The following ACY3 variants were observed in gnomAD, a reference collection of about 807,000 sequenced individuals.
ACY3 encodes N-acyl-aromatic-L-amino acid amidohydrolase (carboxylate-forming).
ACY3 carries 20 observed loss-of-function variants against 24.6 expected under a neutral mutation model. That is an observed-to-expected ratio of 0.81 (90% CI 0.57 to 1.18). The LOEUF (loss-of-function observed/expected upper bound fraction) is 1.18, where lower values mean the gene tolerates loss of function less well. ACY3 is among the 50% of genes most tolerant of loss of function. ACY3 has a pLI of 0.00. For synonymous variants in ACY3, 174 were observed against 188.4 expected (o/e 0.92, Z 0.62); for missense variants, 423 against 426.8 (o/e 0.99, Z 0.08).
Position 67,650,446 on chromosome 11 carries a change from A to G in ACY3, c.-95+137T>C, listed in dbSNP as rs536646037. 24 of 152,356 alleles carry G rather than the reference A, an allele frequency of 1.6e-4. No individual in the cohort carries two copies. The East Asian group carries it at 4.6e-3, about 29-fold the overall frequency. The allele number at this position is 152,356 out of a possible 1,614,324, so 9.4% of individuals were successfully genotyped here. On this transcript the variant is annotated intron_variant, in intron 1 of 7. Coordinates refer to ENST00000255082, the MANE Select transcript of ACY3 (RefSeq NM_080658.2). ...AATCCTCTTTAGTTAACACCCGCCAAGCAACTGAGCCCACCCGTTGTGTGG... is the reference window on the plus strand; with the variant it reads ...AATCCTCTTTAGTTAACACCCGCCAGGCAACTGAGCCCACCCGTTGTGTGG...
chr11:67,645,001 G>T lies in ACY3; in HGVS notation c.634+44C>A, dbSNP rs377258463. The T allele has an allele frequency of 6.9e-6, 11 of 1,602,934 alleles. No homozygotes were observed. In the African/African-American group the frequency reaches 1.5e-4, roughly 21 times the overall value. On this transcript the variant is annotated intron_variant, in intron 6 of 7. Transcript: ENST00000255082. The stretch of plus-strand genomic sequence containing the variant: ...GCTCCCCAACCCCTGAGCCAGACCT[G>T]CTCTTCCCCGGACCTGTTTCCCGAA...
rs1163406294 is a variant in ACY3 at position 67,645,765 on chromosome 11, G to C, written c.359C>G (p.Ala120Gly). 4 of 1,613,934 alleles carry C rather than the reference G, an allele frequency of 2.5e-6. No homozygotes were observed. Among genetic ancestry groups the C allele is most frequent in the Non-Finnish European group, 2.5e-6 (3 of 1,179,962 alleles). The change falls in exon 4 of 8, where the codon GCC (alanine) becomes GGC (glycine). Residue 120 changes from alanine (A) to glycine (G), a missense_variant. Transcript: ENST00000255082. ...CGCGATTAAGCAGGTGCCCATGTTG[G>C]CCGTGGTGTTGTGCAGGTCAAGGAC... is the stretch of plus-strand genomic sequence containing the variant. ...DFVLDLHNTT[A>G]NMGTCLIAKS...
Position 67,645,811 on chromosome 11 carries a change from A to G in ACY3, c.313T>C (p.Ser105Pro), listed in dbSNP as rs1455554125. 20 of 1,613,668 alleles carry G rather than the reference A, an allele frequency of 1.2e-5. No homozygotes were observed. The East Asian group carries it at 4.5e-4, about 36-fold the overall frequency. ...ELNQLLGPKASGQAFDFVLDL... is the reference protein window; with the variant it reads ...ELNQLLGPKAPGQAFDFVLDL... ...AGGACAAAGTCAAAGGCCTGGCCCGAGGCCTTGGGCCCCAGCAGCTGGTTC... is the reference window on the plus strand; with the variant it reads ...AGGACAAAGTCAAAGGCCTGGCCCGGGGCCTTGGGCCCCAGCAGCTGGTTC... Residue 105 changes from serine (S) to proline (P), a missense_variant, in exon 4 of 8, where the codon TCG becomes CCG. Transcript: ENST00000255082.
intron 3 of ACY3, among the ~76,000 whole-genome samples, chr11:67,646,249 G>A (rs2134110602): frequency 6.6e-6 from 1 of 152,322 alleles, no homozygotes; most frequent in South Asian, 2.1e-4. Context: ...CTAGCTTTTA[G>A]TCAGCCTTTG....
intron 1 of ACY3, among the ~76,000 whole-genome samples, chr11:67,649,625 C>T (rs961241422): frequency 7.6e-5 from 11 of 144,122 alleles, no homozygotes; most frequent in South Asian, 6.6e-4. Context: ...CACATGTGTA[C>T]GTGACAGCAT....
chr11:67,644,195 C>T (rs946595039), intron 7 of ACY3, among the ~76,000 whole-genome samples: 1 of 151,828 alleles, frequency 6.6e-6, no homozygotes, highest in Non-Finnish European at 1.5e-5. Flanking sequence ...CAAAAGGCCA[C>T]AAGATTGCAC....
chr11:67,649,751 A>G (rs534646023), intron 1 of ACY3, among the ~76,000 whole-genome samples: 1 of 128,724 alleles, frequency 7.8e-6, no homozygotes, highest in Non-Finnish European at 1.6e-5. Context: ...GTGTGTGCGC[A>G]TGTGTGACAG....
At position 67,644,826 on chromosome 11, in the gene ACY3, C is replaced by T. The variant is rs367857141; in HGVS notation, c.678G>A (p.Val226=). 2.5e-6 allele frequency: 4 copies of T among 1,583,492 alleles called. No homozygotes were observed. The highest frequency in any genetic ancestry group is 1.3e-5 in the African/African-American group (1 of 74,128). The change falls in exon 7 of 8, where the codon GTG becomes GTA. Residue 226 remains valine, a synonymous_variant. Transcript: ENST00000255082. ...CGGTGCGGGGGAAGTCCACGACGCC[C>T]ACGGGTCTATAGGCTTCCATCTCAA... ...PAFEMEAYRP[V]GVVDFPRTEA...
chr11:67,648,581 C>G (rs1357898889), intron 1 of ACY3, among the ~76,000 whole-genome samples: 1 of 152,128 alleles, frequency 6.6e-6, no homozygotes, highest in Non-Finnish European at 1.5e-5. Flanking sequence ...TGGAGCCTCC[C>G]CCAGGCATCG....
At chr11:67,644,947 G>A (rs1284698975) in intron 6 of ACY3, 78 bp from the exon 7 acceptor site, 3 of 1,585,960 alleles carry the variant, frequency 1.9e-6, no homozygotes, top group Admixed American at 1.7e-5. Flanking sequence ...GGTACGTCAG[G>A]GCTAGATCCC....
chr11:67,642,612 G>T lies in ACY3; in HGVS notation c.*112C>A. The T allele has an allele frequency of 8.6e-7, 1 of 1,165,304 alleles. No homozygotes were observed. Among genetic ancestry groups the T allele is most frequent in the Non-Finnish European group, 1.3e-6 (1 of 784,364 alleles). The allele number at this position is 1,165,304 out of a possible 1,614,324, so 72.2% of individuals were successfully genotyped here. A position where few individuals can be genotyped will look rare whatever the true frequency, so the allele number is the denominator to read the frequency against. Reference sequence around the variant, plus strand: ...TTGAGGCCAGGGGTTGGGGAGGCCTGGCAAGGAACATGGTGCATGGTAGGT... The same window carrying T: ...TTGAGGCCAGGGGTTGGGGAGGCCTTGCAAGGAACATGGTGCATGGTAGGT... On this transcript the variant is annotated 3_prime_UTR_variant, in exon 8 of 8. Transcript: ENST00000255082.
chr11:67,644,964 CCTGTGAGCCTGG>C, intron 6 of ACY3, 69 bp downstream of exon 6: 1 of 1,579,524 alleles, frequency 6.3e-7, no homozygotes, highest in Non-Finnish European at 8.7e-7. Flanking sequence ...TCCCAGCCTG[CCTGTGAGCCTGG>C]CTCCCCAACC....
intron 1 of ACY3, 43 bp from the exon 2 acceptor site, chr11:67,647,632 C>T (rs1211201877): frequency 6.8e-6 from 1 of 146,730 alleles, no homozygotes; most frequent in Non-Finnish European, 1.5e-5. Context: ...AGCTGGCAGA[C>T]AGCAGGGGGT....
chr11:67,646,972 C>T lies in ACY3; in HGVS notation c.72G>A (p.Glu24=). 6.3e-7 allele frequency: 1 copy of T among 1,579,426 alleles called. No homozygotes were observed. Among genetic ancestry groups the T allele is most frequent in the Non-Finnish European group, 8.6e-7 (1 of 1,162,222 alleles). ...GCCGGGCCAGGTAGACGCCCGACATCTCGTTGCCATGCGTGCCCCCAGTCA... is the reference window on the plus strand; with the variant it reads ...GCCGGGCCAGGTAGACGCCCGACATTTCGTTGCCATGCGTGCCCCCAGTCA... The part of the protein sequence containing the change: ...VAVTGGTHGN[E]MSGVYLARHW... The change falls in exon 3 of 8, where the codon GAG becomes GAA. Residue 24 remains glutamate (E), a synonymous_variant. Coordinates refer to ENST00000255082, the MANE Select transcript of ACY3 (RefSeq NM_080658.2).
rs1372243832 is a variant in ACY3, at chr11:67,645,110, T to G, written c.569A>C (p.Asp190Ala). The G allele has an allele frequency of 3.1e-6, 5 of 1,613,564 alleles. No homozygotes were observed. In the African/African-American group the frequency reaches 6.7e-5, roughly 22 times the overall value. The part of the protein sequence containing the change: ...GPQPQGVLRA[D>A]IFSRMRTLVA... ...CAGGGTCCTCATCCTTGAGAAAATGTCAGCCCGCAGCACACCCTGTGGCTG... is the reference window on the plus strand; with the variant it reads ...CAGGGTCCTCATCCTTGAGAAAATGGCAGCCCGCAGCACACCCTGTGGCTG... The change falls in exon 6 of 8, where the codon GAC (aspartate) becomes GCC (alanine). Residue 190 changes from aspartate (D) to alanine (A), a missense_variant. Physicochemically the swap from Asp to Ala is moderately radical, Grantham distance 126 (BLOSUM62 -2). Coordinates refer to ENST00000255082, the MANE Select transcript of ACY3 (RefSeq NM_080658.2).
At chr11:67,646,042 G>A (rs1326280092) in intron 3 of ACY3, among the ~76,000 whole-genome samples, 155 bp from the exon 4 acceptor site, 1 of 152,284 alleles carries the variant, frequency 6.6e-6, no homozygotes, top group East Asian at 1.9e-4. Context: ...ACCCCTGCCC[G>A]TGGCCCTCTT....
At chr11:67,643,010 G>A (rs1855438580) in intron 7 of ACY3, 71 bp from the exon 8 acceptor site, 1 of 1,383,308 alleles carries the variant, frequency 7.2e-7, no homozygotes, top group South Asian at 1.2e-5. Flanking sequence ...GGTGACCCCA[G>A]CTTGACACCC....
At position 67,642,971 on chromosome 11, in the gene ACY3, G is replaced by A. The variant is rs374625311; in HGVS notation, c.745-32C>T. 1.4e-3 allele frequency: 2,288 copies of A among 1,599,178 alleles called. 48 individuals are homozygous for A. The South Asian group carries it at 0.024, about 17-fold the overall frequency. On this transcript the variant is annotated intron_variant, in intron 7 of 7. Transcript: ENST00000255082. The stretch of plus-strand genomic sequence containing the variant: ...GGAGAGCCAAAGGCCAAGATTGCTG[G>A]GGCCACCTCTGCCCTGGCCCCAGAG...
chr11:67,644,933 T>G, intron 6 of ACY3, 64 bp from the exon 7 acceptor site: 1 of 1,589,018 alleles, frequency 6.3e-7, no homozygotes, highest in South Asian at 1.1e-5. Context: ...GACTGGGCCG[T>G]GGGGGTACGT....
Sources: gnomAD v4.1 joint callset for allele counts (sites outside exome capture counted in the v4.1 genomes callset) on GRCh38, gnomAD v4.1.1 for gene constraint, MANE v1.5 for transcripts, NCBI Gene and HGNC (gene_info 2026-07-23, HGNC 2026-07-21) for gene names.